Variants in SPOCK3 observed in about 807,000 individuals in gnomAD.
The protein encoded by SPOCK3 is SPARC (osteonectin), cwcv and kazal like domains proteoglycan 3.
A neutral mutation model predicts 56.6 loss-of-function variants in SPOCK3; 30 were observed. The observed-to-expected ratio is 0.53, with a 90% CI of 0.40 to 0.72. The LOEUF (loss-of-function observed/expected upper bound fraction) is 0.72, where lower values mean the gene tolerates loss of function less well. Among genes scored for constraint, SPOCK3 ranks in the 30% least tolerant of loss-of-function variants. SPOCK3 has a pLI of 0.00. For missense variants in SPOCK3, 527 were observed against 530.0 expected (o/e 0.99, Z 0.06); for synonymous variants, 196 against 183.3 (o/e 1.07, Z -0.56).
intron 7 of SPOCK3, among the ~76,000 whole-genome samples, chr4:166,770,565 A>G (rs1011653930): frequency 2.0e-5 from 3 of 152,236 alleles, no homozygotes; most frequent in African/African-American, 7.2e-5. Flanking sequence ...GAATCGTGAA[A>G]AAATATAAAA....
intron 7 of SPOCK3, among the ~76,000 whole-genome samples, chr4:166,776,536 T>C (rs973948822): frequency 2.0e-5 from 3 of 152,198 alleles, no homozygotes; most frequent in African/African-American, 7.2e-5. Context: ...ACTCCTCATC[T>C]TCTTAGATAA....
At chr4:166,807,469 T>C (rs1027098575) in intron 6 of SPOCK3, among the ~76,000 whole-genome samples, 1 of 152,170 alleles carries the variant, frequency 6.6e-6, no homozygotes, top group Non-Finnish European at 1.5e-5. Flanking sequence ...GCTGTTGCTA[T>C]GCATGTTGTG....
intron 7 of SPOCK3, among the ~76,000 whole-genome samples, chr4:166,773,299 A>G (rs1032924764): frequency 1.3e-5 from 2 of 152,240 alleles, no homozygotes; most frequent in Non-Finnish European, 2.9e-5. Context: ...TTTGTAAGTT[A>G]TCTATGTTGC....
intron 2 of SPOCK3, among the ~76,000 whole-genome samples, chr4:167,084,410 T>C (rs1757999980): frequency 6.6e-6 from 1 of 152,160 alleles, no homozygotes; most frequent in Non-Finnish European, 1.5e-5. Flanking sequence ...TATTTTTTCT[T>C]CTCTGAGAAT....
At chr4:167,150,219 C>T (rs1159142248) in intron 2 of SPOCK3, among the ~76,000 whole-genome samples, 1 of 151,726 alleles carries the variant, frequency 6.6e-6, no homozygotes, top group African/African-American at 2.4e-5. Flanking sequence ...CAATAAAGAC[C>T]CTATTAAATT....
intron 7 of SPOCK3, among the ~76,000 whole-genome samples, chr4:166,764,198 T>C (rs1439166267): frequency 6.6e-6 from 1 of 151,192 alleles, no homozygotes; most frequent in Non-Finnish European, 1.5e-5. Flanking sequence ...AGATATCCAC[T>C]TTTTTTTTAT....
rs1731965813 is a variant in SPOCK3, at chr4:167,186,444, T to C, written c.189+47541A>G. Among the ~76,000 whole-genome samples, 2 of 151,926 alleles carry C rather than the reference T, an allele frequency of 1.3e-5. 1 individual carries two copies. The highest frequency in any genetic ancestry group is 4.2e-4 in the South Asian group (2 of 4,812). On this transcript the variant is annotated intron_variant, in intron 2 of 10. Transcript: ENST00000357545. ...GAATTTGAGACCAGCCTGGCCAACA[T>C]GGTGAAACCCCATCTCTACTGAAAA... is the stretch of plus-strand genomic sequence containing the variant.
chr4:167,081,856 GA>G (rs1757736191), intron 2 of SPOCK3, among the ~76,000 whole-genome samples: 1 of 151,704 alleles, frequency 6.6e-6, no homozygotes, highest in South Asian at 2.1e-4. Flanking sequence ...GTCTTATTAA[GA>G]TACAGGAGGA....
intron 6 of SPOCK3, among the ~76,000 whole-genome samples, chr4:166,865,210 G>A (rs548849531): frequency 2.6e-5 from 4 of 152,046 alleles, no homozygotes; most frequent in Non-Finnish European, 5.9e-5. Flanking sequence ...ATGCAGAAAA[G>A]GCCTTCGATA....
chr4:167,083,250 A>T lies in SPOCK3; in HGVS notation c.190-20713T>A, dbSNP rs1419055359. The T allele has an allele frequency of 2.0e-5, 15 of 765,370 alleles. No homozygotes were observed. In the East Asian group the frequency reaches 3.4e-4, roughly 17 times the overall value. The allele number at this position is 765,370 out of a possible 1,614,324, so 47.4% of individuals were successfully genotyped here. A position where few individuals can be genotyped will look rare whatever the true frequency, so the allele number is the denominator to read the frequency against. On this transcript the variant is annotated intron_variant, in intron 2 of 10. Coordinates refer to ENST00000357545, the MANE Select transcript of SPOCK3 (RefSeq NM_001040159.2). ...ACCCAAAGCAAACCTCTACTTCCTC[A>T]GACTTTCCCTAAGATTCCTCCAACC...
In SPOCK3 at chr4:166,888,822, AT is replaced by A. The variant is rs1451180456; in HGVS notation, c.589+307del. On this transcript the variant is annotated intron_variant, in intron 6 of 10. Coordinates refer to ENST00000357545, the MANE Select transcript of SPOCK3 (RefSeq NM_001040159.2). ...CAGTTTTCTGCTCTAAAAGAAAAAAATGATATAAAACACATGTTTTAGACAC... is the reference window on the plus strand; with the variant it reads ...CAGTTTTCTGCTCTAAAAGAAAAAAAGATATAAAACACATGTTTTAGACAC... 3.3e-5 allele frequency among the ~76,000 whole-genome samples: 5 copies of A among 150,356 alleles called. No homozygotes were observed. The East Asian group carries it at 9.7e-4, about 29-fold the overall frequency.
intron 5 of SPOCK3, among the ~76,000 whole-genome samples, chr4:166,907,869 T>C (rs1043661642): frequency 2.0e-5 from 3 of 152,122 alleles, no homozygotes; most frequent in South Asian, 2.1e-4. Flanking sequence ...TGCTGTAATA[T>C]TGATCGAGTT....
At chr4:166,969,460 TA>T (rs1745129015) in intron 4 of SPOCK3, among the ~76,000 whole-genome samples, 1 of 152,200 alleles carries the variant, frequency 6.6e-6, no homozygotes, top group Non-Finnish European at 1.5e-5. Flanking sequence ...GTTCTTGTGG[TA>T]GTGAGTTTTC....
At chr4:167,213,295 C>A (rs1735051318) in intron 2 of SPOCK3, among the ~76,000 whole-genome samples, 1 of 152,116 alleles carries the variant, frequency 6.6e-6, no homozygotes, top group African/African-American at 2.4e-5. Context: ...AGATGCAATT[C>A]TGTGTTACGT....
chr4:167,233,252 T>C (rs1359314581), intron 2 of SPOCK3, among the ~76,000 whole-genome samples: 2 of 152,106 alleles, frequency 1.3e-5, no homozygotes, highest in Non-Finnish European at 1.5e-5. Flanking sequence ...GAAACCTGGC[T>C]CCCTCTTAAT....
chr4:167,000,649 T>A (rs13137584), intron 3 of SPOCK3, among the ~76,000 whole-genome samples, 186 bp from the exon 4 acceptor site: 3,613 of 152,282 alleles, frequency 0.024, 76 homozygotes, highest in Middle Eastern at 0.061. Flanking sequence ...CTAGCTGTAG[T>A]TGTCTCATCC....
At chr4:167,089,164 T>C (rs1758487790) in intron 2 of SPOCK3, among the ~76,000 whole-genome samples, 1 of 152,190 alleles carries the variant, frequency 6.6e-6, no homozygotes, top group Admixed American at 6.5e-5. Flanking sequence ...TGTACATATA[T>C]ATATAAATAC....
intron 2 of SPOCK3, among the ~76,000 whole-genome samples, chr4:167,085,106 G>A (rs975448067): frequency 1.3e-5 from 2 of 151,216 alleles, no homozygotes; most frequent in Non-Finnish European, 2.9e-5. Context: ...ATTCAGGCAA[G>A]CAAAATGTTG....
intron 2 of SPOCK3, among the ~76,000 whole-genome samples, chr4:167,148,249 C>T (rs893718882): frequency 6.6e-6 from 1 of 151,970 alleles, no homozygotes; most frequent in Admixed American, 6.6e-5. Context: ...TGGGTAGAGA[C>T]CAGAGATGCC....
Sources: gnomAD v4.1 joint callset for allele counts (sites outside exome capture counted in the v4.1 genomes callset) on GRCh38, gnomAD v4.1.1 for gene constraint, MANE v1.5 for transcripts, NCBI Gene and HGNC (gene_info 2026-07-23, HGNC 2026-07-21) for gene names.